Variants in SYNJ2 observed in about 807,000 individuals in gnomAD.
SYNJ2 encodes polyphosphatidylinositol phosphatase SYNJ2.
In SYNJ2, 116 loss-of-function variants were observed where a neutral mutation model predicts 141.3. The ratio of observed to expected loss-of-function variants is 0.82; its 90% confidence interval spans 0.71 to 0.96. SYNJ2 has a LOEUF of 0.96. Among genes scored for constraint, SYNJ2 ranks in the 40% least tolerant of loss-of-function variants. The pLI is 0.00. For missense variants in SYNJ2, 1,873 were observed against 1,934.8 expected, an observed-to-expected ratio of 0.97 and a Z score of 0.60; for synonymous variants, 745 against 777.7, an observed-to-expected ratio of 0.96 and a Z score of 0.70.
chr6:158,035,518 G>A (rs1008945765), intron 4 of SYNJ2, among the ~76,000 whole-genome samples: 6 of 152,072 alleles, frequency 3.9e-5, no homozygotes, highest in African/African-American at 1.4e-4. Context: ...CTGAGACTTT[G>A]CCGAAGCTGT....
intron 5 of SYNJ2, among the ~76,000 whole-genome samples, chr6:158,054,727 A>T (rs1355797073): frequency 6.6e-6 from 1 of 152,204 alleles, no homozygotes; most frequent in Non-Finnish European, 1.5e-5. Flanking sequence ...AGACATGGTC[A>T]TGTTGCAGTT....
At chr6:158,059,185 G>A in intron 6 of SYNJ2, 72 bp from the exon 7 acceptor site, 1 of 1,397,750 alleles carries the variant, frequency 7.2e-7, no homozygotes, top group South Asian at 1.6e-5. Flanking sequence ...GTCTTCCCTT[G>A]AGGGGCAGAA....
Position 158,093,218 on chromosome 6 carries a change from G to A in SYNJ2, c.3744+114G>A, listed in dbSNP as rs139746622. ...TGGGAAGCCGAGGCAAGCGGATTAC[G>A]AGGTCAGGAGTTCAAGACCAGCCTG... is the stretch of plus-strand genomic sequence containing the variant. On this transcript the variant is annotated intron_variant, in intron 26 of 26. Transcript: ENST00000355585. 5.0e-4 allele frequency: 588 copies of A among 1,183,550 alleles called. 2 individuals are homozygous for A. In the African/African-American group the frequency reaches 7.8e-3, roughly 16 times the overall value. The allele number at this position is 1,183,550 out of a possible 1,614,324, so 73.3% of individuals were successfully genotyped here. A position where few individuals can be genotyped will look rare whatever the true frequency, so the allele number is the denominator to read the frequency against.
chr6:158,033,075 G>A (rs1329337800), intron 3 of SYNJ2, among the ~76,000 whole-genome samples: 2 of 152,032 alleles, frequency 1.3e-5, no homozygotes, highest in Admixed American at 1.3e-4. Flanking sequence ...TTACCAATGG[G>A]GCCTGCGATG....
intron 9 of SYNJ2, 122 bp downstream of exon 9, chr6:158,063,994 C>T (rs963269793): frequency 6.0e-6 from 6 of 1,000,508 alleles, no homozygotes; most frequent in Admixed American, 2.1e-5. Context: ...AACCTTCTGA[C>T]TATGGGGAAG....
chr6:158,085,182 G>C (rs1342396916), intron 22 of SYNJ2, among the ~76,000 whole-genome samples: 2 of 151,932 alleles, frequency 1.3e-5, no homozygotes, highest in African/African-American at 4.8e-5. Context: ...AGCATGCCCA[G>C]ATAATTTTTT....
chr6:158,025,333 T>C (rs1157743193), intron 2 of SYNJ2, among the ~76,000 whole-genome samples: 1 of 152,108 alleles, frequency 6.6e-6, no homozygotes, highest in African/African-American at 2.4e-5. Flanking sequence ...AACTTGGGGG[T>C]GCACACATTC....
chr6:158,042,212 A>G (rs1779987044), intron 4 of SYNJ2, among the ~76,000 whole-genome samples: 1 of 152,238 alleles, frequency 6.6e-6, no homozygotes, highest in Non-Finnish European at 1.5e-5. Context: ...CTTTGCTGGT[A>G]CTCAATACCT....
intron 9 of SYNJ2, 63 bp from the exon 10 acceptor site, chr6:158,064,538 G>A: frequency 6.3e-7 from 1 of 1,588,428 alleles, no homozygotes; most frequent in Admixed American, 1.7e-5. Context: ...GAACCTCCTG[G>A]GACAGTGGCT....
At chr6:158,029,879 A>G (rs1242194975) in intron 3 of SYNJ2, among the ~76,000 whole-genome samples, 1 of 152,188 alleles carries the variant, frequency 6.6e-6, no homozygotes, top group Non-Finnish European at 1.5e-5. Flanking sequence ...AGGCACGAAT[A>G]GTCGAGGGAA....
At position 158,069,931 on chromosome 6, in the gene SYNJ2, G is replaced by A. The variant is rs111520448; in HGVS notation, c.1940+258G>A. ...GAAAGGGTGTTACATGATTGTCATC[G>A]CCCAAGCTCAATTCCGTGCAAGGAA... On this transcript the variant is annotated intron_variant, in intron 14 of 26. Transcript: ENST00000355585. Among the ~76,000 whole-genome samples, 10 of 152,312 alleles carry A rather than the reference G, an allele frequency of 6.6e-5. 1 individual carries two copies. The highest frequency in any genetic ancestry group is 2.1e-4 in the South Asian group (1 of 4,822).
intron 2 of SYNJ2, among the ~76,000 whole-genome samples, chr6:158,018,355 C>A (rs2128328401): frequency 6.6e-6 from 1 of 152,278 alleles, no homozygotes; most frequent in Non-Finnish European, 1.5e-5. Context: ...ACTTCTGGGG[C>A]CGAGACAAGA....
At chr6:158,046,898 A>T (rs750997) in intron 5 of SYNJ2, among the ~76,000 whole-genome samples, 8 of 151,588 alleles carry the variant, frequency 5.3e-5, no homozygotes, top group Non-Finnish European at 8.8e-5. Flanking sequence ...GCTTCCCCCC[A>T]CCATATGCTG....
In SYNJ2 at chr6:158,081,197, G is replaced by T; in HGVS notation, c.2656G>T (p.Gly886Cys). ...RVFQEVSSFQ[G>C]PLDATVVVNL... ...TTTCCAGGAAGTGTCCTCCTTCCAG[G>T]GCCCCCTGGATGCCACTGTTGTAGT... is the stretch of plus-strand genomic sequence containing the variant. The change falls in exon 19 of 27, where the codon GGC becomes TGC. Residue 886 changes from glycine to cysteine, a missense_variant. Gly to Cys is a radical substitution (Grantham distance 159). Transcript: ENST00000355585. 1 of 1,614,104 alleles carries T rather than the reference G, an allele frequency of 6.2e-7. No homozygotes were observed. The highest frequency in any genetic ancestry group is 8.5e-7 in the Non-Finnish European group (1 of 1,180,022).
intron 1 of SYNJ2, among the ~76,000 whole-genome samples, chr6:157,995,823 T>C (rs1174270047): frequency 1.3e-5 from 2 of 152,172 alleles, no homozygotes; most frequent in Non-Finnish European, 2.9e-5. Flanking sequence ...AGCCTTCCCA[T>C]AATGCCATCA....
At chr6:158,047,150 G>A (rs569596448) in intron 5 of SYNJ2, among the ~76,000 whole-genome samples, 2 of 152,280 alleles carry the variant, frequency 1.3e-5, no homozygotes, top group East Asian at 3.9e-4. Context: ...TCAAAAATAA[G>A]TGAAGAGGTC....
intron 6 of SYNJ2, among the ~76,000 whole-genome samples, chr6:158,057,919 G>T (rs925631415): frequency 6.6e-6 from 1 of 152,234 alleles, no homozygotes; most frequent in Non-Finnish European, 1.5e-5. Context: ...GTGGAGACGG[G>T]AGCCCGGGAG....
At chr6:158,037,902 C>G in intron 4 of SYNJ2, among the ~76,000 whole-genome samples, 1 of 152,246 alleles carries the variant, frequency 6.6e-6, no homozygotes, top group East Asian at 1.9e-4. Context: ...GCAATCTTTG[C>G]TTTCTCACTT....
At chr6:158,065,145 G>A (rs58943720) in intron 11 of SYNJ2, among the ~76,000 whole-genome samples, 154 bp downstream of exon 11, 27,158 of 152,196 alleles carry the variant, frequency 0.18, 2,573 homozygotes, top group Non-Finnish European at 0.21. Flanking sequence ...TGCCTCTCCC[G>A]GGAGCCTGCG....
Sources: allele counts gnomAD v4.1 joint callset (sites outside exome capture counted in the v4.1 genomes callset), GRCh38; gene constraint gnomAD v4.1.1; transcripts MANE v1.5; gene names NCBI Gene and HGNC (gene_info 2026-07-23, HGNC 2026-07-21).